Variants in SCRN1 observed in about 807,000 individuals in gnomAD.
The protein encoded by SCRN1 is secernin-1.
SCRN1 carries 19 observed loss-of-function variants against 43.3 expected under a neutral mutation model. The ratio of observed to expected loss-of-function variants is 0.44; its 90% CI spans 0.31 to 0.64. SCRN1 has a LOEUF of 0.64. Among genes scored for constraint, SCRN1 ranks in the 30% least tolerant of loss-of-function variants. The pLI, the probability that SCRN1 is intolerant of heterozygous loss-of-function variation, is 0.09. For missense variants in SCRN1, 447 were observed against 524.1 expected (o/e 0.85, Z 1.44); for synonymous variants, 183 against 188.9 (o/e 0.97, Z 0.26).
chr7:29,952,741 A>G (rs1425683040), intron 3 of SCRN1, among the ~76,000 whole-genome samples: 2 of 151,840 alleles, frequency 1.3e-5, no homozygotes, highest in African/African-American at 4.8e-5. Flanking sequence ...AGTTACTTTT[A>G]GGATTTGGTT....
chr7:29,927,840 G>A (rs974634758), intron 6 of SCRN1, among the ~76,000 whole-genome samples: 2 of 152,168 alleles, frequency 1.3e-5, no homozygotes, highest in African/African-American at 4.8e-5. Flanking sequence ...TCAGGTATGG[G>A]CAAGGTATGG....
At chr7:29,957,042 A>G (rs1788159994) in intron 2 of SCRN1, among the ~76,000 whole-genome samples, 1 of 152,238 alleles carries the variant, frequency 6.6e-6, no homozygotes, top group Non-Finnish European at 1.5e-5. Flanking sequence ...CTTGAAAACA[A>G]TGAGTAAATA....
intron 2 of SCRN1, 79 bp downstream of exon 2, chr7:29,968,830 A>G (rs1788577116): frequency 6.4e-7 from 1 of 1,551,934 alleles, no homozygotes. Flanking sequence ...CAAGCTTCCA[A>G]GCAAGAAGTT....
intron 6 of SCRN1, among the ~76,000 whole-genome samples, chr7:29,928,626 G>A (rs1787052929): frequency 6.6e-6 from 1 of 152,088 alleles, no homozygotes; most frequent in African/African-American, 2.4e-5. Flanking sequence ...GGAAGCATAA[G>A]GCATGCCAGG....
chr7:29,957,493 A>C (rs1280259166), intron 2 of SCRN1, among the ~76,000 whole-genome samples: 1 of 152,178 alleles, frequency 6.6e-6, no homozygotes, highest in Non-Finnish European at 1.5e-5. Context: ...TATTACATGT[A>C]CTGTTTATGT....
chr7:29,964,240 A>G (rs1788417480), intron 2 of SCRN1, among the ~76,000 whole-genome samples: 1 of 152,254 alleles, frequency 6.6e-6, no homozygotes, highest in African/African-American at 2.4e-5. Context: ...CTATGTTCAT[A>G]ACTGCCAAAC....
chr7:29,983,471 T>A (rs1021802006), intron 1 of SCRN1, among the ~76,000 whole-genome samples: 7 of 152,076 alleles, frequency 4.6e-5, no homozygotes, highest in Admixed American at 2.6e-4. Flanking sequence ...AAAAAGACTT[T>A]ATGGTGACAT....
intron 3 of SCRN1, among the ~76,000 whole-genome samples, chr7:29,953,167 G>C (rs143961103): frequency 3.8e-4 from 58 of 152,328 alleles, no homozygotes; most frequent in Admixed American, 9.8e-4. Context: ...CTGGAATTCT[G>C]TGCCATTCAC....
chr7:29,965,820 T>C lies in SCRN1; in HGVS notation c.159+3089A>G, dbSNP rs1459418913. Among the ~76,000 whole-genome samples, 2 of 152,104 alleles carry C rather than the reference T, an allele frequency of 1.3e-5. No homozygotes were observed. Among genetic ancestry groups the C allele is most frequent in the African/African-American group, 4.8e-5 (2 of 41,404 alleles). On this transcript the variant is annotated intron_variant, in intron 2 of 7. Transcript: ENST00000242059. The surrounding 1 kb of genome is among the most constrained non-coding windows in gnomAD (Gnocchi z 4.2). The stretch of plus-strand genomic sequence containing the variant: ...AGCAAAAGGAATCTAGCCTCGTCCT[T>C]AAAATAATTGTAACCATGAGAGTAA...
upstream of SCRN1, chr7:29,989,914 C>T (rs1033336811): frequency 2.2e-5 from 23 of 1,062,394 alleles, no homozygotes; most frequent in Admixed American, 3.2e-4. Context: ...CCCCGCGCGT[C>T]TGGCTGCACG....
intron 6 of SCRN1, among the ~76,000 whole-genome samples, chr7:29,933,323 C>T (rs1787222789): frequency 6.6e-6 from 1 of 152,310 alleles, no homozygotes; most frequent in East Asian, 1.9e-4. Flanking sequence ...CCCACTGTGG[C>T]CCATTTCAAG....
rs1554358020 is a variant in SCRN1 at position 29,952,694 on chromosome 7, A to AG, written c.341+2484_341+2485insC. Among the ~76,000 whole-genome samples the AG allele has an allele frequency of 0.025, 3,671 of 148,796 alleles. 210 individuals are homozygous for AG. The East Asian group carries it at 0.26, about 11-fold the overall frequency. ...GAGCAAGACTTGTCTAAAAAAAAAA[A>AG]AGAGAGAGAGAGAGAGAATGCTGGG... On this transcript the variant is annotated intron_variant, in intron 3 of 7. Transcript: ENST00000242059.
chr7:29,959,434 A>G (rs1788236886), intron 2 of SCRN1, among the ~76,000 whole-genome samples: 1 of 151,826 alleles, frequency 6.6e-6, no homozygotes, highest in Non-Finnish European at 1.5e-5. Flanking sequence ...GTATGTGTGT[A>G]TTTTGTTTGT....
chr7:29,931,857 G>A (rs972146007), intron 6 of SCRN1, among the ~76,000 whole-genome samples: 3 of 152,246 alleles, frequency 2.0e-5, no homozygotes, highest in African/African-American at 2.4e-5. Flanking sequence ...TCTCAAAAAC[G>A]CAGGCGCCCC....
intron 1 of SCRN1, 44 bp from the exon 2 acceptor site, chr7:29,969,112 G>C: frequency 1.3e-6 from 2 of 1,589,286 alleles, no homozygotes; most frequent in Non-Finnish European, 1.7e-6. Context: ...GCCTCACATG[G>C]AACACTCCAA....
At chr7:29,984,563 A>C (rs868122081) in intron 1 of SCRN1, among the ~76,000 whole-genome samples, 3 of 152,154 alleles carry the variant, frequency 2.0e-5, no homozygotes, top group Non-Finnish European at 1.5e-5. Flanking sequence ...TATAAGCACC[A>C]GTTAAAAGAA....
chr7:29,978,316 T>G (rs1267639850), intron 1 of SCRN1, among the ~76,000 whole-genome samples: 3 of 152,212 alleles, frequency 2.0e-5, no homozygotes, highest in African/African-American at 7.2e-5. Flanking sequence ...TGCTAAAAAC[T>G]CAAAGATCTG....
chr7:29,926,676 C>T, intron 6 of SCRN1, 44 bp from the exon 7 acceptor site: 5 of 1,569,362 alleles, frequency 3.2e-6, no homozygotes, highest in Non-Finnish European at 4.4e-6. Context: ...GAGGCTGGGA[C>T]CCGGGAACAC....
chr7:29,968,273 G>C (rs1410480647), intron 2 of SCRN1, among the ~76,000 whole-genome samples: 3 of 152,156 alleles, frequency 2.0e-5, no homozygotes, highest in Admixed American at 6.5e-5. Context: ...TACATCCATA[G>C]AATGAAACAC....
Sources: allele counts gnomAD v4.1 joint callset (sites outside exome capture counted in the v4.1 genomes callset), GRCh38; gene constraint gnomAD v4.1.1; non-coding constraint Gnocchi (gnomAD v3.1); transcripts MANE v1.5; gene names NCBI Gene and HGNC (gene_info 2026-07-23, HGNC 2026-07-21).